Variants in CHCHD6 observed in about 807,000 individuals in gnomAD.
CHCHD6 encodes coiled-coil-helix-coiled-coil-helix domain containing 6, also known as MICOS complex subunit MIC25.
Under a neutral mutation model 32.3 loss-of-function variants are expected in CHCHD6, and 28 were observed. That is an observed-to-expected ratio of 0.87 (90% CI 0.64 to 1.19). CHCHD6 has a LOEUF of 1.19. CHCHD6 is among the 50% of genes most tolerant of loss of function. The pLI is 0.00. For synonymous variants in CHCHD6, 122 were observed against 117.5 expected (o/e 1.04, Z -0.25); for missense variants, 333 against 307.0 (o/e 1.08, Z -0.63).
intron 4 of CHCHD6, among the ~76,000 whole-genome samples, chr3:126,850,867 AC>A (rs1350632671): frequency 2.6e-5 from 4 of 152,128 alleles, no homozygotes; most frequent in African/African-American, 9.7e-5. Context: ...CTTCAGCAGC[AC>A]ACTTTGAAAA....
intron 5 of CHCHD6, chr3:126,865,594 T>G: frequency 5.1e-6 from 5 of 985,292 alleles, no homozygotes; most frequent in Non-Finnish European, 6.0e-6. Context: ...CTCTACCACC[T>G]CCACACCTTC....
chr3:126,737,813 G>A (rs758847582), intron 4 of CHCHD6, among the ~76,000 whole-genome samples: 3 of 151,994 alleles, frequency 2.0e-5, no homozygotes, highest in African/African-American at 4.8e-5. Context: ...ATTATAGGAA[G>A]CGGCAGGGTG....
intron 4 of CHCHD6, among the ~76,000 whole-genome samples, chr3:126,751,736 C>T (rs370798863): frequency 6.2e-4 from 94 of 152,226 alleles, no homozygotes; most frequent in African/African-American, 2.2e-3. Context: ...TGCCTGGGGT[C>T]GAATCCTGCT....
At position 126,733,135 on chromosome 3, in the gene CHCHD6, AAG is replaced by A; in HGVS notation, c.329_330del (p.Glu110GlyfsTer20). ...AGCTCTTCCAGGTGGCAAAGAGGGAAAGAGAGGCTGCCACCAAGCACTCCAAG... is the reference window on the plus strand; with the variant it reads ...AGCTCTTCCAGGTGGCAAAGAGGGAAAGAGGCTGCCACCAAGCACTCCAAG... ...DKLFQVAKREREAATKHSKAS... is the reference protein window; with the variant it reads ...DKLFQVAKREXEAATKHSKAS... On this transcript the variant is annotated frameshift_variant, in exon 4 of 8. Coordinates refer to ENST00000290913, the MANE Select transcript of CHCHD6 (RefSeq NM_032343.3). LOFTEE classifies it high-confidence loss of function. The A allele has an allele frequency of 6.2e-7, 1 of 1,614,176 alleles. No individual in the cohort carries two copies. The highest frequency in any genetic ancestry group is 8.5e-7 in the Non-Finnish European group (1 of 1,179,992).
chr3:126,748,526 C>T (rs1299331763), intron 4 of CHCHD6, among the ~76,000 whole-genome samples: 1 of 147,316 alleles, frequency 6.8e-6, no homozygotes, highest in African/African-American at 2.5e-5. Context: ...ACCCGGGAGG[C>T]GGAGGTGGCG....
At chr3:126,930,115 G>T (rs531967291) in intron 6 of CHCHD6, among the ~76,000 whole-genome samples, 1 of 152,286 alleles carries the variant, frequency 6.6e-6, no homozygotes, top group African/African-American at 2.4e-5. Flanking sequence ...GCCGCTGCAT[G>T]CCCCGTCTCC....
At position 126,864,931 on chromosome 3, in the gene CHCHD6, A is replaced by ATCTCCTCCTCCTCCACCATCATCTCCT. The variant is rs371158806; in HGVS notation, c.495+12201_495+12202insTCTCCTCCTCCTCCACCATCATCTCCT. Among the ~76,000 whole-genome samples the ATCTCCTCCTCCTCCACCATCATCTCCT allele has an allele frequency of 7.9e-4, 79 of 100,306 alleles. 2 individuals carry two copies. Among genetic ancestry groups the ATCTCCTCCTCCTCCACCATCATCTCCT allele is most frequent in the African/African-American group, 3.2e-3 (69 of 21,666 alleles). 65.8% of individuals were successfully genotyped at this position (100,306 alleles called of 152,430 possible). ...CACCATCACCTTCTCCTCCACCATC[A>ATCTCCTCCTCCTCCACCATCATCTCCT]CCTCCTCCTCCACCATCATCTCCTC... On this transcript the variant is annotated intron_variant, in intron 5 of 7. Coordinates refer to ENST00000290913, the MANE Select transcript of CHCHD6 (RefSeq NM_032343.3).
intron 2 of CHCHD6, among the ~76,000 whole-genome samples, chr3:126,729,829 A>G (rs966309548): frequency 2.6e-5 from 4 of 151,992 alleles, no homozygotes; most frequent in African/African-American, 7.3e-5. Flanking sequence ...CCTGTGGTGG[A>G]GGGAGGTGTG....
At chr3:126,784,343 T>A (rs1938097694) in intron 4 of CHCHD6, among the ~76,000 whole-genome samples, 1 of 152,196 alleles carries the variant, frequency 6.6e-6, no homozygotes, top group African/African-American at 2.4e-5. Flanking sequence ...AAAACTTCCC[T>A]GTTCTCAGCC....
intron 5 of CHCHD6, among the ~76,000 whole-genome samples, chr3:126,872,719 T>G (rs897798333): frequency 6.6e-6 from 1 of 152,154 alleles, no homozygotes; most frequent in Non-Finnish European, 1.5e-5. Context: ...TCCTGCACCT[T>G]GCTTCCCTGG....
intron 4 of CHCHD6, among the ~76,000 whole-genome samples, chr3:126,742,930 T>C (rs1425748550): frequency 6.6e-6 from 1 of 152,200 alleles, no homozygotes; most frequent in Non-Finnish European, 1.5e-5. Context: ...CATACATTTC[T>C]AACCATCAGA....
chr3:126,708,531 A>G (rs1413085131), intron 1 of CHCHD6, among the ~76,000 whole-genome samples: 1 of 152,086 alleles, frequency 6.6e-6, no homozygotes, highest in Non-Finnish European at 1.5e-5. Context: ...AACAAAAACC[A>G]ACAGTTGTAA....
intron 4 of CHCHD6, among the ~76,000 whole-genome samples, chr3:126,761,752 G>T (rs1252176354): frequency 1.3e-5 from 2 of 152,258 alleles, no homozygotes; most frequent in East Asian, 3.9e-4. Context: ...TAAATGTTTG[G>T]TAGAATTCAC....
intron 4 of CHCHD6, among the ~76,000 whole-genome samples, chr3:126,764,282 A>G (rs1449433972): frequency 2.7e-5 from 4 of 150,334 alleles, no homozygotes; most frequent in Non-Finnish European, 5.9e-5. Flanking sequence ...CCAAATCACA[A>G]CCTTCTCTTT....
intron 6 of CHCHD6, among the ~76,000 whole-genome samples, chr3:126,938,576 G>A (rs968177084): frequency 6.6e-6 from 1 of 152,210 alleles, no homozygotes; most frequent in Non-Finnish European, 1.5e-5. Flanking sequence ...TGTGCCATCA[G>A]CCACATTAAA....
intron 6 of CHCHD6, among the ~76,000 whole-genome samples, chr3:126,922,715 G>A (rs1576606955): frequency 6.6e-6 from 1 of 151,832 alleles, no homozygotes; most frequent in East Asian, 1.9e-4. Context: ...GTGTGTATGT[G>A]TATGTGTGTG....
intron 4 of CHCHD6, among the ~76,000 whole-genome samples, chr3:126,760,388 C>G (rs1181607336): frequency 6.6e-6 from 1 of 152,138 alleles, no homozygotes; most frequent in East Asian, 1.9e-4. Flanking sequence ...GTATACAATT[C>G]ATTGGCTTTA....
intron 4 of CHCHD6, 75 bp from the exon 5 acceptor site, chr3:126,852,572 C>A: frequency 2.9e-5 from 29 of 1,011,662 alleles, no homozygotes; most frequent in Non-Finnish European, 4.1e-5. Context: ...CAGAAATGTC[C>A]GTCGCCTTCT....
At chr3:126,942,119 T>G (rs2078569653) in intron 6 of CHCHD6, among the ~76,000 whole-genome samples, 1 of 152,174 alleles carries the variant, frequency 6.6e-6, no homozygotes, top group African/African-American at 2.4e-5. Flanking sequence ...ACTCAAGCCG[T>G]GCATTCTTGG....
Sources: gnomAD v4.1 joint callset for allele counts (sites outside exome capture counted in the v4.1 genomes callset) on GRCh38, gnomAD v4.1.1 for gene constraint, MANE v1.5 for transcripts, NCBI Gene and HGNC (gene_info 2026-07-23, HGNC 2026-07-21) for gene names.